Variants in PRIMPOL observed in about 807,000 individuals in gnomAD.
PRIMPOL encodes DNA-directed primase/polymerase protein.
Under a neutral mutation model 63.6 loss-of-function variants are expected in PRIMPOL, and 54 were observed. The observed-to-expected ratio is 0.85, with a 90% CI of 0.68 to 1.07. The LOEUF is 1.07. PRIMPOL is among the 50% of genes least tolerant of loss of function. The probability of loss-of-function intolerance (pLI) is 0.00; values close to 1 mark genes in which losing one functional copy is unlikely to be tolerated. For missense variants in PRIMPOL, 610 were observed against 648.3 expected (o/e 0.94, Z 0.64); for synonymous variants, 197 against 220.2 (o/e 0.89, Z 0.93).
At chr4:184,659,493 A>G (rs1361569218) in intron 4 of PRIMPOL, 56 bp downstream of exon 4, 2 of 1,319,408 alleles carry the variant, frequency 1.5e-6, no homozygotes, top group African/African-American at 2.9e-5. Flanking sequence ...TCCTTTGCCT[A>G]GGAATTTTGG....
At chr4:184,675,545 T>A (rs1448748678) in intron 7 of PRIMPOL, among the ~76,000 whole-genome samples, 1 of 152,066 alleles carries the variant, frequency 6.6e-6, no homozygotes, top group East Asian at 1.9e-4. Flanking sequence ...TTGAAAAAAA[T>A]TTGGCTCATG....
intron 7 of PRIMPOL, among the ~76,000 whole-genome samples, chr4:184,673,337 G>A (rs1214654800): frequency 1.3e-5 from 2 of 151,508 alleles, no homozygotes; most frequent in Non-Finnish European, 2.9e-5. Context: ...CACCGTGTTA[G>A]CCAAGATGGT....
At chr4:184,679,622 G>A (rs955388519) in intron 8 of PRIMPOL, among the ~76,000 whole-genome samples, 11 of 152,170 alleles carry the variant, frequency 7.2e-5, no homozygotes, top group Non-Finnish European at 1.5e-4. Flanking sequence ...AGAAGGTAGT[G>A]GTCCCTGAGT....
At position 184,684,373 on chromosome 4, in the gene PRIMPOL, T is replaced by C. The variant is rs553743240; in HGVS notation, c.1097-1036T>C. Among the ~76,000 whole-genome samples, 113 of 152,124 alleles carry C rather than the reference T, an allele frequency of 7.4e-4. 1 individual carries two copies. Among genetic ancestry groups the C allele is most frequent in the Admixed American group, 3.8e-3 (58 of 15,270 alleles). Reference sequence around the variant, plus strand: ...CAGGAGGCTGAGGCAGGAGAATCGCTTGAACCCAGAAGGCCGAGCTTGCAG... The same window carrying C: ...CAGGAGGCTGAGGCAGGAGAATCGCCTGAACCCAGAAGGCCGAGCTTGCAG... On this transcript the variant is annotated intron_variant, in intron 9 of 13. Coordinates refer to ENST00000314970, the MANE Select transcript of PRIMPOL (RefSeq NM_152683.4).
intron 11 of PRIMPOL, among the ~76,000 whole-genome samples, chr4:184,690,208 T>C (rs1482976116): frequency 6.6e-6 from 1 of 152,192 alleles, no homozygotes; most frequent in Non-Finnish European, 1.5e-5. Context: ...AGGTTTTCTG[T>C]TGCTTTTTAA....
chr4:184,661,699 A>C (rs1748360773), intron 4 of PRIMPOL, 75 bp from the exon 5 acceptor site: 1 of 1,004,408 alleles, frequency 1.0e-6, no homozygotes, highest in Non-Finnish European at 1.5e-6. Flanking sequence ...GAGCTGACTC[A>C]GTCTCAGTCA....
chr4:184,681,444 A>G (rs1368719071), intron 8 of PRIMPOL, among the ~76,000 whole-genome samples: 1 of 152,186 alleles, frequency 6.6e-6, no homozygotes, highest in East Asian at 1.9e-4. Flanking sequence ...CATCCTCCCT[A>G]TATAATACTG....
rs1744693112 is a variant in PRIMPOL, at chr4:184,652,100, G to C, written c.-60G>C. On this transcript the variant is annotated splice_region_variant and 5_prime_UTR_variant, in exon 2 of 14. Transcript: ENST00000314970. ...GGGAAAAGCAACGTGGGGCATTCCA[G>C]GTAAGAGAAATGTGTGCTGGGTGCG... 1 of 152,402 alleles carries C rather than the reference G, an allele frequency of 6.6e-6. No homozygotes were observed. The allele number at this position is 152,402 out of a possible 1,614,324, so 9.4% of individuals were successfully genotyped here.
intron 9 of PRIMPOL, among the ~76,000 whole-genome samples, chr4:184,683,116 G>T (rs1481761433): frequency 2.6e-5 from 4 of 151,928 alleles, no homozygotes; most frequent in Admixed American, 2.6e-4. Flanking sequence ...AATGGAAAAA[G>T]TATGAGAAAG....
intron 11 of PRIMPOL, 118 bp downstream of exon 11, chr4:184,685,802 A>G (rs1561072901): frequency 3.6e-6 from 2 of 562,708 alleles, no homozygotes; most frequent in Admixed American, 3.9e-5. Flanking sequence ...AGTTGTATTA[A>G]ATTTCTTTTT....
At chr4:184,661,390 G>A (rs949747796) in intron 4 of PRIMPOL, among the ~76,000 whole-genome samples, 3 of 152,114 alleles carry the variant, frequency 2.0e-5, no homozygotes, top group Non-Finnish European at 2.9e-5. Context: ...TGCAATGTAA[G>A]ATAGACTGCC....
intron 9 of PRIMPOL, among the ~76,000 whole-genome samples, chr4:184,682,840 A>T (rs114947064): frequency 6.6e-6 from 1 of 151,910 alleles, no homozygotes; most frequent in African/African-American, 2.4e-5. Flanking sequence ...ACTTGAGCCC[A>T]GGAGTTAGAG....
chr4:184,666,064 G>C lies in PRIMPOL; in HGVS notation c.556G>C (p.Gly186Arg). Residue 186 changes from glycine (G) to arginine (R), a missense_variant and splice_region_variant, in exon 6 of 14, where the codon GGT becomes CGT. By Grantham distance (125) the Gly-to-Arg change is moderately radical. Transcript: ENST00000314970. ...GGCATTTAAAGATAATATTCATGTT[G>C]GTAAGTACACGGCTTTTTAAAAATC... ...DVAFKDNIHV[G>R]NFLRKILQPA... 6.3e-7 allele frequency: 1 copy of C among 1,598,370 alleles called. No homozygotes were observed. Among genetic ancestry groups the C allele is most frequent in the Non-Finnish European group, 8.5e-7 (1 of 1,173,034 alleles).
In PRIMPOL at chr4:184,665,937, A is replaced by G; in HGVS notation, c.429A>G (p.Gln143=). 1 of 1,593,858 alleles carries G rather than the reference A, an allele frequency of 6.3e-7. No individual in the cohort carries two copies. Among genetic ancestry groups the G allele is most frequent in the Non-Finnish European group, 8.5e-7 (1 of 1,172,344 alleles). Residue 143 remains glutamine (Q), a synonymous_variant, in exon 6 of 14, where the codon CAA becomes CAG. Transcript: ENST00000314970. Reference sequence around the variant, plus strand: ...TTTAGTATGTGTGTAAAGCACTTCAAGAGTTATACGGTGTTAATTGCTCAG... The same window carrying G: ...TTTAGTATGTGTGTAAAGCACTTCAGGAGTTATACGGTGTTAATTGCTCAG... The part of the protein sequence containing the change: ...LLIEYVCKAL[Q]ELYGVNCSAE...
chr4:184,685,372 A>G (rs2150149338), intron 9 of PRIMPOL, 37 bp from the exon 10 acceptor site: 1 of 1,420,592 alleles, frequency 7.0e-7, no homozygotes, highest in Non-Finnish European at 9.9e-7. Context: ...CTCAACTTTC[A>G]GCTATTGTAA....
intron 6 of PRIMPOL, among the ~76,000 whole-genome samples, chr4:184,666,758 C>T (rs550176935): frequency 2.9e-4 from 44 of 152,276 alleles, no homozygotes; most frequent in Admixed American, 2.6e-4. Context: ...GGTCCCAGGT[C>T]GTATCAAAGA....
chr4:184,656,503 A>C (rs1034206519), intron 2 of PRIMPOL, among the ~76,000 whole-genome samples: 1 of 152,178 alleles, frequency 6.6e-6, no homozygotes, highest in Non-Finnish European at 1.5e-5. Flanking sequence ...ATTATATAGA[A>C]AGAAAAATCA....
rs1760090308 is a variant in PRIMPOL at position 184,694,570 on chromosome 4, AC to A, written c.1477del (p.Gln493ArgfsTer31). On this transcript the variant is annotated frameshift_variant, in exon 14 of 14. Coordinates refer to ENST00000314970, the MANE Select transcript of PRIMPOL (RefSeq NM_152683.4). LOFTEE classifies it low-confidence loss of function (END_TRUNC). The part of the protein sequence containing the change: ...DEADETRSNE[T>X]QNPHKPSPSR... ...AGCAGATGAAACTAGGAGCAATGAA[AC>A]CCAGAATCCTCATAAACCATCACCT... 2 of 1,614,110 alleles carry A rather than the reference AC, an allele frequency of 1.2e-6. No individual in the cohort carries two copies. The highest frequency in any genetic ancestry group is 1.7e-6 in the Non-Finnish European group (2 of 1,179,958).
At chr4:184,674,774 CAT>C (rs1303229781) in intron 7 of PRIMPOL, among the ~76,000 whole-genome samples, 1 of 152,154 alleles carries the variant, frequency 6.6e-6, no homozygotes, top group African/African-American at 2.4e-5. Flanking sequence ...GAAGAGGGAA[CAT>C]ATTTACAGTA....
Sources: gnomAD v4.1 joint callset for allele counts (sites outside exome capture counted in the v4.1 genomes callset) on GRCh38, gnomAD v4.1.1 for gene constraint, MANE v1.5 for transcripts, NCBI Gene and HGNC (gene_info 2026-07-23, HGNC 2026-07-21) for gene names.